The following AHCYL2 variants were observed in gnomAD, a reference collection of about 807,000 sequenced individuals.
AHCYL2 encodes S-adenosylhomocysteine hydrolase-like protein 2.
Under a neutral mutation model 81.4 loss-of-function variants are expected in AHCYL2, and 28 were observed. The observed-to-expected ratio is 0.34, with a 90% CI of 0.25 to 0.47. The LOEUF (loss-of-function observed/expected upper bound fraction) is 0.47, where lower values mean the gene tolerates loss of function less well. Ranked by LOEUF, AHCYL2 falls within the 20% of genes least tolerant of loss-of-function variation. The probability of loss-of-function intolerance (pLI) is 1.00; values close to 1 mark genes in which losing one functional copy is unlikely to be tolerated. For missense variants in AHCYL2, 551 were observed against 785.1 expected, an observed-to-expected ratio of 0.70 and a Z score of 3.56; for synonymous variants, 272 against 290.2, an observed-to-expected ratio of 0.94 and a Z score of 0.64.
chr7:129,396,289 ATT>A (rs1010596990), intron 4 of AHCYL2, among the ~76,000 whole-genome samples: 1 of 150,196 alleles, frequency 6.7e-6, no homozygotes, highest in Admixed American at 6.6e-5. Context: ...CACCCGGCTA[ATT>A]TTTTTTTGTA....
At chr7:129,330,077 TG>T (rs1798364405) in intron 1 of AHCYL2, among the ~76,000 whole-genome samples, 2 of 152,316 alleles carry the variant, frequency 1.3e-5, no homozygotes, top group South Asian at 4.1e-4. Context: ...CGATCATAGG[TG>T]AGCTTGAGCT....
intron 1 of AHCYL2, among the ~76,000 whole-genome samples, chr7:129,298,869 AAAAT>A (rs1350217921): frequency 6.6e-6 from 1 of 152,238 alleles, no homozygotes; most frequent in Non-Finnish European, 1.5e-5. Flanking sequence ...ATTATACAAT[AAAAT>A]AAAACTTTTC....
At position 129,425,051 on chromosome 7, in the gene AHCYL2, C is replaced by T. The variant is rs1797297591; in HGVS notation, c.1630-12C>T. 1 of 1,613,766 alleles carries T rather than the reference C, an allele frequency of 6.2e-7. No individual in the cohort carries two copies. Among genetic ancestry groups the T allele is most frequent in the Non-Finnish European group, 8.5e-7 (1 of 1,179,924 alleles). On this transcript the variant is annotated splice_polypyrimidine_tract_variant and intron_variant, in intron 14 of 16. Coordinates refer to ENST00000325006, the MANE Select transcript of AHCYL2 (RefSeq NM_015328.4). ...GAATGGCACATCAGCATCCATCTCT[C>T]TGCTTTTCTAGGCTCTTGCCTTGAT...
rs775338900 is a variant in AHCYL2 at position 129,359,818 on chromosome 7, C to T, written c.364-19820C>T. Among the ~76,000 whole-genome samples, 4 of 152,188 alleles carry T rather than the reference C, an allele frequency of 2.6e-5. No homozygotes were observed. In the East Asian group the frequency reaches 7.7e-4, roughly 29 times the overall value. On this transcript the variant is annotated intron_variant, in intron 1 of 16. Coordinates refer to ENST00000325006, the MANE Select transcript of AHCYL2 (RefSeq NM_015328.4). The stretch of plus-strand genomic sequence containing the variant: ...GAGAATTTAAGTCCATACTCCACTC[C>T]TGGATTCTACAGGTCTTAGGGAGTA...
intron 1 of AHCYL2, among the ~76,000 whole-genome samples, chr7:129,244,526 C>T (rs1794980402): frequency 1.3e-5 from 2 of 152,172 alleles, no homozygotes; most frequent in South Asian, 4.1e-4. Flanking sequence ...GATTCAATGT[C>T]TGGTGTGGCC....
chr7:129,359,149 C>G (rs573252322), intron 1 of AHCYL2, among the ~76,000 whole-genome samples: 1 of 152,254 alleles, frequency 6.6e-6, no homozygotes, highest in African/African-American at 2.4e-5. Context: ...TGTGGCTGTT[C>G]ATGCAATGGG....
intron 1 of AHCYL2, among the ~76,000 whole-genome samples, chr7:129,229,061 CTTTTTTTTTT>C (rs59291148): frequency 0.92 from 132,678 of 144,916 alleles, 61,497 homozygotes; most frequent in East Asian, 1. Context: ...AATAATTAGC[CTTTTTTTTTT>C]TTTTTTTTTT....
At chr7:129,283,244 C>T (rs1018662502) in intron 1 of AHCYL2, 2 of 398,424 alleles carry the variant, frequency 5.0e-6, no homozygotes, top group African/African-American at 2.1e-5. Flanking sequence ...TTGGGTTCCT[C>T]CTTCATTAAA....
chr7:129,274,493 C>T (rs1224138325), intron 1 of AHCYL2, among the ~76,000 whole-genome samples: 1 of 152,102 alleles, frequency 6.6e-6, no homozygotes, highest in East Asian at 1.9e-4. Context: ...AGCTTGTATC[C>T]AAAGTGGCCG....
At chr7:129,365,047 C>T (rs999420860) in intron 1 of AHCYL2, among the ~76,000 whole-genome samples, 1 of 152,150 alleles carries the variant, frequency 6.6e-6, no homozygotes, top group African/African-American at 2.4e-5. Flanking sequence ...ATTTCTTAAG[C>T]ACCTACTATA....
chr7:129,294,018 T>G (rs887515041), intron 1 of AHCYL2, among the ~76,000 whole-genome samples: 1 of 133,838 alleles, frequency 7.5e-6, no homozygotes, highest in African/African-American at 4.1e-5. Context: ...GAAAGATTAT[T>G]TAGATTAATG....
intron 1 of AHCYL2, among the ~76,000 whole-genome samples, chr7:129,348,763 A>G (rs926418347): frequency 4.6e-5 from 7 of 152,172 alleles, no homozygotes; most frequent in Middle Eastern, 3.4e-3. Flanking sequence ...CACAGGATTT[A>G]TTTTCTTCAC....
chr7:129,251,570 A>T (rs1795252692), intron 1 of AHCYL2, among the ~76,000 whole-genome samples: 1 of 152,114 alleles, frequency 6.6e-6, no homozygotes, highest in Non-Finnish European at 1.5e-5. Context: ...AAAAATTTGA[A>T]ACACATCTCG....
At chr7:129,278,102 T>C (rs575867041) in intron 1 of AHCYL2, among the ~76,000 whole-genome samples, 49 of 152,344 alleles carry the variant, frequency 3.2e-4, no homozygotes, top group African/African-American at 1.1e-3. Flanking sequence ...TTTTTAGCCA[T>C]TCTGATTAGC....
intron 4 of AHCYL2, among the ~76,000 whole-genome samples, chr7:129,392,801 A>G (rs1183173745): frequency 6.6e-6 from 1 of 152,204 alleles, no homozygotes; most frequent in East Asian, 1.9e-4. Flanking sequence ...TATATGTCAC[A>G]TTTAGTTGTC....
At chr7:129,236,751 C>G (rs2150682987) in intron 1 of AHCYL2, among the ~76,000 whole-genome samples, 1 of 152,250 alleles carries the variant, frequency 6.6e-6, no homozygotes, top group South Asian at 2.1e-4. Context: ...AGTATTTTTC[C>G]ATCTTTGGGG....
rs1304688189 is a variant in AHCYL2, at chr7:129,368,896, TG to T, written c.364-10737del. On this transcript the variant is annotated intron_variant, in intron 1 of 16. Coordinates refer to ENST00000325006, the MANE Select transcript of AHCYL2 (RefSeq NM_015328.4). This position sits in a 1 kb window ranked among gnomAD's most constrained non-coding sequence, Gnocchi z 4.4. ...CAACCTGATGCTTCATTTGTTTCTC[TG>T]GGGGTAAAGAAAAAGAACAATGAGG... is the stretch of plus-strand genomic sequence containing the variant. Among the ~76,000 whole-genome samples the T allele has an allele frequency of 6.6e-6, 1 of 152,190 alleles. No homozygotes were observed. The highest frequency in any genetic ancestry group is 6.5e-5 in the Admixed American group (1 of 15,280).
chr7:129,228,575 T>G (rs991048947), intron 1 of AHCYL2, among the ~76,000 whole-genome samples: 2 of 152,246 alleles, frequency 1.3e-5, no homozygotes, highest in Non-Finnish European at 2.9e-5. Flanking sequence ...GGAAGGTAAG[T>G]TCCACAGGGA....
At chr7:129,294,819 T>C (rs1399836678) in intron 1 of AHCYL2, among the ~76,000 whole-genome samples, 1 of 152,216 alleles carries the variant, frequency 6.6e-6, no homozygotes, top group Non-Finnish European at 1.5e-5. Context: ...ACTATTAACG[T>C]GTACCCTGGA....
Sources: allele counts gnomAD v4.1 joint callset (sites outside exome capture counted in the v4.1 genomes callset), GRCh38; gene constraint gnomAD v4.1.1; non-coding constraint Gnocchi (gnomAD v3.1); transcripts MANE v1.5; gene names NCBI Gene and HGNC (gene_info 2026-07-23, HGNC 2026-07-21).